Variants in PDE1C observed in about 807,000 individuals in gnomAD.
PDE1C encodes the protein dual specificity calcium/calmodulin-dependent 3',5'-cyclic nucleotide phosphodiesterase 1C.
In PDE1C, 62 loss-of-function variants were observed where a neutral mutation model predicts 93.1. That is an observed-to-expected ratio of 0.67 (90% CI 0.54 to 0.82). The LOEUF (loss-of-function observed/expected upper bound fraction) is 0.82. Among genes scored for constraint, PDE1C ranks in the 40% least tolerant of loss-of-function variants. The pLI is 0.00. For synonymous variants in PDE1C, 325 were observed against 310.1 expected (o/e 1.05, Z -0.50); for missense variants, 742 against 884.6 (o/e 0.84, Z 2.04).
At chr7:32,059,295 CA>C (rs763569833) in intron 1 of PDE1C, among the ~76,000 whole-genome samples, 2 of 152,184 alleles carry the variant, frequency 1.3e-5, no homozygotes, top group Non-Finnish European at 2.9e-5. Flanking sequence ...GTAAATAAGA[CA>C]GTCAATTTTT....
upstream of PDE1C, among the ~76,000 whole-genome samples, chr7:32,076,326 T>A (rs371958115): frequency 3.3e-5 from 5 of 152,040 alleles, no homozygotes; most frequent in East Asian, 7.7e-4. Flanking sequence ...CTTTTCACCA[T>A]GTGGAGAGAA....
chr7:32,057,920 T>C (rs1338383208), intron 1 of PDE1C, among the ~76,000 whole-genome samples: 1 of 152,196 alleles, frequency 6.6e-6, no homozygotes, highest in African/African-American at 2.4e-5. Flanking sequence ...GATGCTAAAT[T>C]ATGAAGCGCC....
chr7:32,120,267 G>A (rs1048647970), intron 3 of PDE1C, among the ~76,000 whole-genome samples: 9 of 152,206 alleles, frequency 5.9e-5, no homozygotes, highest in African/African-American at 2.2e-4. Context: ...TAGGGGGAAG[G>A]GTGGCCGCAG....
chr7:32,169,119 A>C (rs1802485083), intron 3 of PDE1C, among the ~76,000 whole-genome samples: 1 of 152,184 alleles, frequency 6.6e-6, no homozygotes, highest in African/African-American at 2.4e-5. Flanking sequence ...GTGAGTCTGA[A>C]AGACCCATTT....
At chr7:32,226,623 A>C (rs1807294886) in intron 1 of PDE1C, among the ~76,000 whole-genome samples, 2 of 152,296 alleles carry the variant, frequency 1.3e-5, no homozygotes, top group African/African-American at 4.8e-5. Flanking sequence ...TCCACAGAAA[A>C]GCACAGCATG....
the PDE1C span, among the ~76,000 whole-genome samples, chr7:31,646,440 G>C: frequency 6.6e-6 from 1 of 152,142 alleles, no homozygotes; most frequent in East Asian, 1.9e-4. Flanking sequence ...AAGGTAGGCT[G>C]GAAAGAGTAA....
chr7:32,381,041 C>G (rs770621739), intron 1 of PDE1C, among the ~76,000 whole-genome samples: 2 of 151,938 alleles, frequency 1.3e-5, no homozygotes, highest in Non-Finnish European at 2.9e-5. Context: ...TCAGTGCCTT[C>G]CTCTCCCCCA....
chr7:31,866,502 C>G (rs1213706494), intron 6 of PDE1C, among the ~76,000 whole-genome samples: 1 of 152,050 alleles, frequency 6.6e-6, no homozygotes, highest in Non-Finnish European at 1.5e-5. Context: ...GATTTTCATA[C>G]AGATTTCCGA....
At chr7:31,793,825 T>C (rs1784862170) in intron 16 of PDE1C, among the ~76,000 whole-genome samples, 1 of 151,816 alleles carries the variant, frequency 6.6e-6, no homozygotes. Flanking sequence ...GTGCATGCTT[T>C]CTCCTTGCCC....
chr7:31,963,118 G>C (rs1809277882), intron 2 of PDE1C, among the ~76,000 whole-genome samples: 1 of 152,008 alleles, frequency 6.6e-6, no homozygotes, highest in East Asian at 1.9e-4. Flanking sequence ...AAGCCAGATG[G>C]TCAACATAAA....
At chr7:31,691,166 A>T in the PDE1C span, among the ~76,000 whole-genome samples, 24 of 152,196 alleles carry the variant, frequency 1.6e-4, no homozygotes, top group African/African-American at 5.5e-4. Context: ...AGTGACTCTA[A>T]AAGCTGTGCT....
At chr7:31,803,588 C>T (rs1309281086) in intron 16 of PDE1C, among the ~76,000 whole-genome samples, 1 of 151,912 alleles carries the variant, frequency 6.6e-6, no homozygotes, top group Non-Finnish European at 1.5e-5. Flanking sequence ...TGATGTTCCC[C>T]TTCCTGTGTC....
the PDE1C span, among the ~76,000 whole-genome samples, chr7:31,662,677 A>G: frequency 6.6e-6 from 1 of 152,196 alleles, no homozygotes; most frequent in African/African-American, 2.4e-5. Context: ...TAAATAATCT[A>G]AAATGCTAGT....
At chr7:32,385,217 T>C (rs1298114895) in intron 1 of PDE1C, among the ~76,000 whole-genome samples, 1 of 152,180 alleles carries the variant, frequency 6.6e-6, no homozygotes, top group African/African-American at 2.4e-5. Context: ...ACTTGCTGCA[T>C]TTTTGAGGCT....
chr7:31,849,430 C>T (rs1271268877), intron 8 of PDE1C, among the ~76,000 whole-genome samples: 1 of 152,164 alleles, frequency 6.6e-6, no homozygotes, highest in African/African-American at 2.4e-5. Context: ...CAAAAAGCTG[C>T]TTTTCTGTGG....
intron 2 of PDE1C, among the ~76,000 whole-genome samples, chr7:32,050,452 T>C (rs553608486): frequency 2.0e-5 from 3 of 152,244 alleles, no homozygotes; most frequent in Admixed American, 1.3e-4. Flanking sequence ...TCCAATGAAA[T>C]TTGTGAAAAC....
At chr7:32,265,595 C>G (rs950375766) in intron 1 of PDE1C, among the ~76,000 whole-genome samples, 2 of 152,184 alleles carry the variant, frequency 1.3e-5, no homozygotes, top group Non-Finnish European at 2.9e-5. Context: ...GCCACTAAAT[C>G]CAACTATGCC....
chr7:31,819,258 T>G (rs749890741), intron 14 of PDE1C, among the ~76,000 whole-genome samples: 1 of 152,022 alleles, frequency 6.6e-6, no homozygotes, highest in Non-Finnish European at 1.5e-5. Context: ...AACTCAAAAT[T>G]TGTAGACTGA....
intron 3 of PDE1C, 33 bp downstream of exon 3, chr7:31,880,714 C>T (rs749681898): frequency 7.7e-7 from 1 of 1,297,380 alleles, no homozygotes; most frequent in African/African-American, 1.5e-5. Context: ...TTTACTATCA[C>T]TATACTAATC....
Sources: gnomAD v4.1 joint callset for allele counts (sites outside exome capture counted in the v4.1 genomes callset) on GRCh38, gnomAD v4.1.1 for gene constraint, MANE v1.5 for transcripts, NCBI Gene and HGNC (gene_info 2026-07-23, HGNC 2026-07-21) for gene names.